The following ATM variants were observed in gnomAD, a reference collection of about 807,000 sequenced individuals.
ATM encodes serine-protein kinase ATM.
In ATM, 308 loss-of-function variants were observed where a neutral mutation model predicts 387.0. The observed-to-expected ratio is 0.80, with a 90% confidence interval of 0.73 to 0.87. ATM has a LOEUF of 0.87. Ranked by LOEUF, ATM falls within the 40% of genes least tolerant of loss-of-function variation. The pLI, the probability that ATM is intolerant of heterozygous loss-of-function variation, is 0.00. For synonymous variants in ATM, 1,156 were observed against 1,187.3 expected (o/e 0.97, Z 0.54); for missense variants, 3,312 against 3,560.9 (o/e 0.93, Z 1.78).
At chr11:108,325,614 C>T in intron 46 of ATM, 70 bp downstream of exon 46, 1 of 1,312,516 alleles carries the variant, frequency 7.6e-7, no homozygotes, top group Non-Finnish European at 1.1e-6. Flanking sequence ...AACAGAAAGC[C>T]TGAGGGAAAA....
At chr11:108,339,972 G>A (rs775882424) in intron 56 of ATM, among the ~76,000 whole-genome samples, 5 of 152,104 alleles carry the variant, frequency 3.3e-5, no homozygotes, top group African/African-American at 9.7e-5. Flanking sequence ...ATATACCTAC[G>A]TTGGGTTAGA....
chr11:108,236,649 A>C (rs1385057584), intron 5 of ATM: 1 of 152,284 alleles, frequency 6.6e-6, no homozygotes. Context: ...TGAGGCAGTT[A>C]GCACGCTACT....
At chr11:108,257,695 T>A in intron 15 of ATM, 89 bp downstream of exon 15, 4 of 1,328,876 alleles carry the variant, frequency 3.0e-6, no homozygotes, top group Non-Finnish European at 4.2e-6. Flanking sequence ...TCACAACTCA[T>A]TGTAGCCTTG....
At chr11:108,312,049 T>G (rs2084207739) in intron 39 of ATM, among the ~76,000 whole-genome samples, 2 of 152,298 alleles carry the variant, frequency 1.3e-5, no homozygotes, top group Admixed American at 1.3e-4. Context: ...CTTATTGTGG[T>G]CTTTATTTGT....
chr11:108,297,047 ATTTG>A (rs1362694348), intron 32 of ATM: 5 of 473,804 alleles, frequency 1.1e-5, no homozygotes, highest in South Asian at 2.2e-5. Flanking sequence ...TATCTGCACA[ATTTG>A]TTTAAGACAT....
At chr11:108,253,773 A>C (rs1418854049) in intron 12 of ATM, 41 bp from the exon 13 acceptor site, 1 of 1,469,680 alleles carries the variant, frequency 6.8e-7, no homozygotes, top group African/African-American at 1.4e-5. Context: ...GCAAAGCATT[A>C]GGTACTTGGT....
intron 45 of ATM, among the ~76,000 whole-genome samples, chr11:108,324,081 T>G (rs1318222174): frequency 6.6e-6 from 1 of 152,074 alleles, no homozygotes; most frequent in Non-Finnish European, 1.5e-5. Flanking sequence ...AAGAATAGGG[T>G]ATAACACTTA....
chr11:108,227,355 C>T (rs2078791192), intron 1 of ATM: 1 of 406,290 alleles, frequency 2.5e-6, no homozygotes, highest in Non-Finnish European at 4.4e-6. Context: ...GCAAGCAAGG[C>T]AAACATTTTT....
At chr11:108,293,127 T>A (rs781312941) in intron 30 of ATM, among the ~76,000 whole-genome samples, 186 bp from the exon 31 acceptor site, 6 of 152,196 alleles carry the variant, frequency 3.9e-5, no homozygotes, top group Non-Finnish European at 1.5e-5. Context: ...CATCTTGTAG[T>A]AGTACCTTAC....
intron 23 of ATM, 89 bp downstream of exon 23, chr11:108,279,697 TTA>T: frequency 9.5e-7 from 1 of 1,047,418 alleles, no homozygotes; most frequent in Non-Finnish European, 1.5e-6. Flanking sequence ...ATAAGAGAGT[TTA>T]TAATCCAGTA....
chr11:108,293,894 A>AAAATATATATATATATAT (rs1491178678), intron 31 of ATM, among the ~76,000 whole-genome samples: 1 of 83,708 alleles, frequency 1.2e-5, no homozygotes, highest in African/African-American at 4.2e-5. Context: ...AAAAAAAAAA[A>AAAATATATATATATATAT]ATATATATAT....
In ATM at chr11:108,317,365, C is replaced by G; in HGVS notation, c.6199-8C>G. The G allele has an allele frequency of 1.2e-6, 2 of 1,608,838 alleles. No homozygotes were observed. Among genetic ancestry groups the G allele is most frequent in the Non-Finnish European group, 1.7e-6 (2 of 1,176,810 alleles). On this transcript the variant is annotated splice_region_variant and splice_polypyrimidine_tract_variant and intron_variant, in intron 42 of 62. Coordinates refer to ENST00000675843, the MANE Select transcript of ATM (RefSeq NM_000051.4). ...ACTTAACTTAAAAACAAAATAACTC[C>G]TGTTTAGGCCTTGCAGAATTTGGGA...
chr11:108,334,736 G>A (rs956671959), intron 54 of ATM, among the ~76,000 whole-genome samples: 3 of 152,044 alleles, frequency 2.0e-5, no homozygotes, highest in South Asian at 4.1e-4. Flanking sequence ...TTATGTTTTC[G>A]TGAGGAGTTA....
At chr11:108,335,322 T>A (rs999795787) in intron 55 of ATM, 1 of 1,442,860 alleles carries the variant, frequency 6.9e-7, no homozygotes, top group Non-Finnish European at 9.2e-7. Flanking sequence ...ATATGGTTGA[T>A]TCAAGTAAAA....
chr11:108,317,634 TATATATATATATATATATACAC>T (rs1565504190), intron 43 of ATM, 113 bp downstream of exon 43: 3 of 175,210 alleles, frequency 1.7e-5, no homozygotes, highest in African/African-American at 1.1e-4. Flanking sequence ...TATATATATA[TATATATATATATATATATACAC>T]ACACACACAC....
At chr11:108,361,294 AAG>A (rs2137677607) in intron 61 of ATM, among the ~76,000 whole-genome samples, 2 of 131,566 alleles carry the variant, frequency 1.5e-5, no homozygotes, top group South Asian at 2.8e-4. Flanking sequence ...AAGGAAATAA[AAG>A]AGGATACAAA....
At chr11:108,288,498 T>G (rs2082612860) in intron 27 of ATM, among the ~76,000 whole-genome samples, 1 of 129,870 alleles carries the variant, frequency 7.7e-6, no homozygotes, top group South Asian at 2.6e-4. Context: ...AAAATATGCT[T>G]TACTTTTTTT....
At position 108,347,268 on chromosome 11, in the gene ATM, T is replaced by G. The variant is rs752428743; in HGVS notation, c.8585-11T>G. 6.3e-7 allele frequency: 1 copy of G among 1,586,468 alleles called. No individual in the cohort carries two copies. Among genetic ancestry groups the G allele is most frequent in the Non-Finnish European group, 8.7e-7 (1 of 1,155,096 alleles). ...CAGTGATTTCAGATTGTTTGTTTCT[T>G]TTTTCTCCAGTTGGTTACATACTTG... On this transcript the variant is annotated splice_polypyrimidine_tract_variant and intron_variant, in intron 58 of 62. Transcript: ENST00000675843.
rs769606850 is a variant in ATM, at chr11:108,327,651, C to A, written c.6982C>A (p.Pro2328Thr). Reference sequence around the variant, plus strand: ...TTTTGCCTTTCTTATACAGAACAATCCCAGCCTAAAACTTACATACACAGA... The same window carrying A: ...TTTTGCCTTTCTTATACAGAACAATACCAGCCTAAAACTTACATACACAGA... The part of the protein sequence containing the change: ...KLDASCAANN[P>T]SLKLTYTECL... The change falls in exon 48 of 63, where the codon CCC becomes ACC. Residue 2328 changes from proline to threonine, a missense_variant. Transcript: ENST00000675843. 1 of 1,613,328 alleles carries A rather than the reference C, an allele frequency of 6.2e-7. No individual in the cohort carries two copies. The highest frequency in any genetic ancestry group is 1.1e-5 in the South Asian group (1 of 91,050).
Sources: gnomAD v4.1 joint callset for allele counts (sites outside exome capture counted in the v4.1 genomes callset) on GRCh38, gnomAD v4.1.1 for gene constraint, MANE v1.5 for transcripts, NCBI Gene and HGNC (gene_info 2026-07-23, HGNC 2026-07-21) for gene names.